Variants in MAGI2 observed in about 807,000 individuals in gnomAD.
MAGI2 encodes membrane-associated guanylate kinase, WW and PDZ domain-containing protein 2.
A neutral mutation model predicts 133.3 loss-of-function variants in MAGI2; 35 were observed. The ratio of observed to expected loss-of-function variants is 0.26; its 90% CI spans 0.20 to 0.35. The LOEUF (loss-of-function observed/expected upper bound fraction) is 0.35. Ranked by LOEUF, MAGI2 falls within the 10% of genes least tolerant of loss-of-function variation. MAGI2 has a pLI of 1.00. For missense variants in MAGI2, 1,636 were observed against 1,863.4 expected (o/e 0.88, Z 2.25); for synonymous variants, 729 against 710.6 (o/e 1.03, Z -0.41).
At chr7:79,036,389 G>A (rs183259484) in intron 1 of MAGI2, among the ~76,000 whole-genome samples, 4 of 152,264 alleles carry the variant, frequency 2.6e-5, no homozygotes, top group East Asian at 3.9e-4. Context: ...CAGGAAATGG[G>A]CATGTTTCCT....
chr7:78,747,699 G>T (rs1427782064), intron 2 of MAGI2, among the ~76,000 whole-genome samples: 1 of 152,060 alleles, frequency 6.6e-6, no homozygotes, highest in Non-Finnish European at 1.5e-5. Flanking sequence ...TCACTAGAAG[G>T]TTTGGTCTGT....
At chr7:78,740,611 G>T (rs1822318320) in intron 2 of MAGI2, among the ~76,000 whole-genome samples, 1 of 152,188 alleles carries the variant, frequency 6.6e-6, no homozygotes. Flanking sequence ...AGCACAAGCA[G>T]CTAGGGAATT....
chr7:78,484,552 C>G (rs1469598428), intron 6 of MAGI2: 1 of 151,916 alleles, frequency 6.6e-6, no homozygotes, highest in East Asian at 1.9e-4. Flanking sequence ...AAGGGGGAAA[C>G]CCCCCAGTGT....
intron 1 of MAGI2, among the ~76,000 whole-genome samples, chr7:79,069,890 C>G (rs1431696262): frequency 6.6e-6 from 1 of 152,130 alleles, no homozygotes; most frequent in Non-Finnish European, 1.5e-5. Flanking sequence ...ATATGTAATT[C>G]TGGGTTGAAA....
At chr7:78,319,022 G>C (rs984935448) in intron 9 of MAGI2, among the ~76,000 whole-genome samples, 9 of 152,268 alleles carry the variant, frequency 5.9e-5, no homozygotes, top group African/African-American at 1.9e-4. Flanking sequence ...ATAACAAATT[G>C]TAAAGACCAT....
At chr7:78,444,566 C>CA (rs997767925) in intron 6 of MAGI2, among the ~76,000 whole-genome samples, 18 of 151,954 alleles carry the variant, frequency 1.2e-4, no homozygotes, top group Admixed American at 9.9e-4. Context: ...TTAGATTCAT[C>CA]AAAAAACTGA....
chr7:78,144,856 A>G (rs1823134401), intron 16 of MAGI2, among the ~76,000 whole-genome samples: 1 of 152,066 alleles, frequency 6.6e-6, no homozygotes, highest in Admixed American at 6.6e-5. Context: ...GCACTTATTG[A>G]TCCATCATCT....
At chr7:78,288,628 T>A (rs773566548) in intron 9 of MAGI2, among the ~76,000 whole-genome samples, 2 of 152,164 alleles carry the variant, frequency 1.3e-5, no homozygotes, top group Non-Finnish European at 2.9e-5. Context: ...GAGTTTGAGA[T>A]CTGAGACTGG....
At chr7:79,196,635 G>A (rs1257317107) in intron 1 of MAGI2, among the ~76,000 whole-genome samples, 1 of 151,856 alleles carries the variant, frequency 6.6e-6, no homozygotes, top group Non-Finnish European at 1.5e-5. Context: ...GTTCACTGTA[G>A]TGTGTTATCA....
rs550005748 is a variant in MAGI2, at chr7:78,316,314, G to A, written c.1408+27464C>T. ...TAAATAAGAATTCATTATTTACACTGCATTTTAGTGCTGATACAGATACAG... is the reference window on the plus strand; with the variant it reads ...TAAATAAGAATTCATTATTTACACTACATTTTAGTGCTGATACAGATACAG... On this transcript the variant is annotated intron_variant, in intron 9 of 21. Coordinates refer to ENST00000354212, the MANE Select transcript of MAGI2 (RefSeq NM_012301.4). Among the ~76,000 whole-genome samples the A allele has an allele frequency of 2.0e-5, 3 of 152,254 alleles. No individual in the cohort carries two copies. In the East Asian group the frequency reaches 5.8e-4, roughly 29 times the overall value.
chr7:79,284,101 C>T (rs1035068235), intron 1 of MAGI2, among the ~76,000 whole-genome samples: 7 of 152,036 alleles, frequency 4.6e-5, no homozygotes, highest in African/African-American at 1.7e-4. Context: ...ATGATGTTCA[C>T]ACAATAATGA....
chr7:78,974,196 G>GA (rs530038217), intron 2 of MAGI2, among the ~76,000 whole-genome samples: 134 of 143,914 alleles, frequency 9.3e-4, no homozygotes, highest in African/African-American at 2.4e-3. Flanking sequence ...ATTTTCTAGA[G>GA]AAAAAAAAAA....
Position 78,195,001 on chromosome 7 carries a change from C to A in MAGI2, c.2142G>T (p.Pro714=). ...PQTSLSAPAI[P]QNLPFPPALH... is the part of the protein sequence containing the mutation. Reference sequence around the variant, plus strand: ...GGGCAGGTGGGAAGGGCAGGTTCTGCGGTATGGCCGGAGCAGATAAACTCG... The same window carrying A: ...GGGCAGGTGGGAAGGGCAGGTTCTGAGGTATGGCCGGAGCAGATAAACTCG... The change falls in exon 12 of 22, where the codon CCG becomes CCT. Residue 714 remains proline, a synonymous_variant. Transcript: ENST00000354212. 2 of 1,613,990 alleles carry A rather than the reference C, an allele frequency of 1.2e-6. No individual in the cohort carries two copies. The highest frequency in any genetic ancestry group is 1.1e-5 in the South Asian group (1 of 91,060).
At chr7:79,391,524 T>TATATATATAGAC (rs1844632639) in intron 1 of MAGI2, among the ~76,000 whole-genome samples, 1 of 88,458 alleles carries the variant, frequency 1.1e-5, no homozygotes, top group African/African-American at 7.5e-5. Context: ...TATATATATA[T>TATATATATAGAC]ATATATATAT....
At chr7:78,332,104 G>A (rs1789267368) in intron 9 of MAGI2, among the ~76,000 whole-genome samples, 1 of 152,068 alleles carries the variant, frequency 6.6e-6, no homozygotes, top group East Asian at 1.9e-4. Context: ...TGAGAACCTA[G>A]GATAACATTT....
intron 20 of MAGI2, among the ~76,000 whole-genome samples, chr7:78,082,361 G>A (rs1816070686): frequency 6.6e-6 from 1 of 152,198 alleles, no homozygotes; most frequent in Non-Finnish European, 1.5e-5. Context: ...TTTAGGGGCT[G>A]CGTAAGGGCT....
At chr7:79,155,466 T>C (rs574666602) in intron 1 of MAGI2, among the ~76,000 whole-genome samples, 4 of 152,172 alleles carry the variant, frequency 2.6e-5, no homozygotes, top group South Asian at 4.1e-4. Context: ...AATATATAAT[T>C]ACACATTGAG....
intron 6 of MAGI2, among the ~76,000 whole-genome samples, chr7:78,438,592 C>A (rs963693661): frequency 6.6e-6 from 1 of 152,142 alleles, no homozygotes; most frequent in African/African-American, 2.4e-5. Context: ...GGGCCAAAGT[C>A]ATGAAAAATC....
rs138542523 is a variant in MAGI2, at chr7:78,969,517, G to T, written c.418+37573C>A. Among the ~76,000 whole-genome samples, 4 of 152,120 alleles carry T rather than the reference G, an allele frequency of 2.6e-5. No homozygotes were observed. In the East Asian group the frequency reaches 7.8e-4, roughly 30 times the overall value. On this transcript the variant is annotated intron_variant, in intron 2 of 21. Coordinates refer to ENST00000354212, the MANE Select transcript of MAGI2 (RefSeq NM_012301.4). ...GGATATTTCCCCGGACAATGAAGCC[G>T]ATTCACGTCTACAATATTTAGTTCA...
Sources: gnomAD v4.1 joint callset for allele counts (sites outside exome capture counted in the v4.1 genomes callset) on GRCh38, gnomAD v4.1.1 for gene constraint, MANE v1.5 for transcripts, NCBI Gene and HGNC (gene_info 2026-07-23, HGNC 2026-07-21) for gene names.